SPAG16: variants seen among roughly 807,000 people sequenced by gnomAD.
The protein encoded by SPAG16 is sperm-associated antigen 16 protein.
A neutral mutation model predicts 80.4 loss-of-function variants in SPAG16; 86 were observed. That is an observed-to-expected ratio of 1.07 (90% CI 0.90 to 1.28). The LOEUF is 1.28. Among genes scored for constraint, SPAG16 ranks in the 50% most tolerant of loss-of-function variants. The probability of loss-of-function intolerance (pLI) is 0.00; values close to 1 mark genes in which losing one functional copy is unlikely to be tolerated. For missense variants in SPAG16, 870 were observed against 765.3 expected, an observed-to-expected ratio of 1.14 and a Z score of -1.61; for synonymous variants, 294 against 265.9, an observed-to-expected ratio of 1.11 and a Z score of -1.03.
At chr2:214,295,223 G>A (rs1694049975) in intron 15 of SPAG16, among the ~76,000 whole-genome samples, 1 of 152,146 alleles carries the variant, frequency 6.6e-6, no homozygotes, top group South Asian at 2.1e-4. Context: ...GCAAAAGTGG[G>A]TGGGGCATTA....
chr2:213,383,465 T>A (rs2067279664), intron 9 of SPAG16, among the ~76,000 whole-genome samples: 3 of 152,178 alleles, frequency 2.0e-5, no homozygotes, highest in Admixed American at 2.0e-4. Flanking sequence ...TTGTTTTGAA[T>A]GTTCTAGGTC....
chr2:213,837,522 C>T (rs187154024), intron 10 of SPAG16, among the ~76,000 whole-genome samples: 28 of 152,218 alleles, frequency 1.8e-4, no homozygotes, highest in African/African-American at 6.7e-4. Context: ...TCTTACAGCC[C>T]CGGTAAAATG....
chr2:214,382,139 A>ATAAT (rs1403370055), intron 15 of SPAG16, among the ~76,000 whole-genome samples: 16 of 152,362 alleles, frequency 1.1e-4, no homozygotes, highest in Non-Finnish European at 1.9e-4. Flanking sequence ...TGAATAGAAA[A>ATAAT]TAATTAAAAT....
intron 5 of SPAG16, among the ~76,000 whole-genome samples, chr2:213,325,620 ATGTGTGTGTG>A (rs10534467): frequency 6.7e-6 from 1 of 148,984 alleles, no homozygotes; most frequent in African/African-American, 2.5e-5. Flanking sequence ...TTGGAAAAAT[ATGTGTGTGTG>A]TGTGTGTGTG....
At chr2:214,353,918 A>G (rs1698589220) in intron 15 of SPAG16, among the ~76,000 whole-genome samples, 1 of 152,150 alleles carries the variant, frequency 6.6e-6, no homozygotes, top group South Asian at 2.1e-4. Flanking sequence ...ATCTGAAAAT[A>G]TAGGCTGTAG....
intron 12 of SPAG16, among the ~76,000 whole-genome samples, chr2:213,971,430 A>G (rs938583072): frequency 4.6e-5 from 7 of 152,200 alleles, no homozygotes; most frequent in Non-Finnish European, 8.8e-5. Flanking sequence ...TCTTTTGATT[A>G]TATAAATACA....
chr2:213,802,591 C>A (rs1171963106), intron 10 of SPAG16, among the ~76,000 whole-genome samples: 1 of 152,068 alleles, frequency 6.6e-6, no homozygotes, highest in Non-Finnish European at 1.5e-5. Context: ...TACCCTAATT[C>A]TGAAGACAAA....
intron 13 of SPAG16, among the ~76,000 whole-genome samples, chr2:214,083,855 T>C (rs1214216811): frequency 6.6e-6 from 1 of 152,140 alleles, no homozygotes; most frequent in African/African-American, 2.4e-5. Context: ...TCCTGCTTCT[T>C]GGATCCACTG....
At chr2:213,557,388 A>G (rs945075253) in intron 10 of SPAG16, among the ~76,000 whole-genome samples, 1 of 152,050 alleles carries the variant, frequency 6.6e-6, no homozygotes, top group African/African-American at 2.4e-5. Flanking sequence ...AAACCTTTCA[A>G]ATATTTTGGC....
At chr2:213,511,366 A>T (rs1575793924) in intron 10 of SPAG16, among the ~76,000 whole-genome samples, 1 of 152,130 alleles carries the variant, frequency 6.6e-6, no homozygotes, top group Admixed American at 6.5e-5. Flanking sequence ...ATAAAATACC[A>T]TCGTTTCGAG....
rs561320728 is a variant in SPAG16, at chr2:213,938,118, T to A, written c.1400+7973T>A. The stretch of plus-strand genomic sequence containing the variant: ...TGATAAAAGCGAATATATATATATA[T>A]ATTTTATAACATGATACATTTCTGC... On this transcript the variant is annotated intron_variant, in intron 12 of 15. Transcript: ENST00000331683. 3.3e-5 allele frequency among the ~76,000 whole-genome samples: 5 copies of A among 152,026 alleles called. No individual in the cohort carries two copies. The East Asian group carries it at 9.6e-4, about 29-fold the overall frequency.
intron 10 of SPAG16, among the ~76,000 whole-genome samples, chr2:213,639,315 A>T (rs1339146285): frequency 1.3e-5 from 2 of 152,020 alleles, no homozygotes; most frequent in Non-Finnish European, 2.9e-5. Context: ...GGATTTTTGT[A>T]TTGTGTTGTT....
At chr2:213,785,812 T>A (rs2070305020) in intron 10 of SPAG16, among the ~76,000 whole-genome samples, 1 of 151,930 alleles carries the variant, frequency 6.6e-6, no homozygotes, top group African/African-American at 2.4e-5. Flanking sequence ...ACTGAGAACA[T>A]CCTGGCCAAC....
At chr2:213,613,483 T>G (rs1294756054) in intron 10 of SPAG16, among the ~76,000 whole-genome samples, 1 of 152,220 alleles carries the variant, frequency 6.6e-6, no homozygotes, top group Non-Finnish European at 1.5e-5. Flanking sequence ...TCAGGGCCTT[T>G]GCACTTGCCA....
rs763808594 is a variant in SPAG16, at chr2:214,102,109, G to GTTTT, written c.1528-6084_1528-6081dup. ...TAATAAAGCATATCTGGTGAGGGTGGTTTTTTGTTTTTTTTTTTTTGCAAT... is the reference window on the plus strand; with the variant it reads ...TAATAAAGCATATCTGGTGAGGGTGGTTTTTTTTTTGTTTTTTTTTTTTTGCAAT... On this transcript the variant is annotated intron_variant, in intron 13 of 15. Coordinates refer to ENST00000331683, the MANE Select transcript of SPAG16 (RefSeq NM_024532.5). Among the ~76,000 whole-genome samples, 3 of 96,594 alleles carry GTTTT rather than the reference G, an allele frequency of 3.1e-5. 1 individual carries two copies. The highest frequency in any genetic ancestry group is 3.9e-5 in the African/African-American group (1 of 25,630). The allele number at this position is 96,594 out of a possible 152,430, so 63.4% of individuals were successfully genotyped here.
At chr2:213,970,929 C>G (rs116546512) in intron 12 of SPAG16, among the ~76,000 whole-genome samples, 2,796 of 152,222 alleles carry the variant, frequency 0.018, 91 homozygotes, top group African/African-American at 0.063. Flanking sequence ...TTTTCCTACA[C>G]TAATCATATT....
At chr2:213,616,728 CT>C in intron 10 of SPAG16, among the ~76,000 whole-genome samples, 1 of 152,244 alleles carries the variant, frequency 6.6e-6, no homozygotes, top group Admixed American at 6.5e-5. Flanking sequence ...TTGTTTTTCA[CT>C]CTTGTACATT....
intron 15 of SPAG16, among the ~76,000 whole-genome samples, chr2:214,168,850 A>G (rs770897932): frequency 1.4e-4 from 21 of 149,988 alleles, no homozygotes; most frequent in Non-Finnish European, 2.8e-4. Context: ...AGAACTTCCA[A>G]AGGATGTGGT....
At chr2:213,928,468 CTT>C (rs1361964409) in intron 11 of SPAG16, among the ~76,000 whole-genome samples, 1 of 152,142 alleles carries the variant, frequency 6.6e-6, no homozygotes, top group Admixed American at 6.5e-5. Flanking sequence ...ACTTCAAGCT[CTT>C]TCTCTCTAAT....
Sources: allele counts gnomAD v4.1 joint callset (sites outside exome capture counted in the v4.1 genomes callset), GRCh38; gene constraint gnomAD v4.1.1; transcripts MANE v1.5; gene names NCBI Gene and HGNC (gene_info 2026-07-23, HGNC 2026-07-21).